BRD2: variants seen among roughly 807,000 people sequenced by gnomAD.
BRD2 encodes bromodomain-containing protein 2.
BRD2 carries 15 observed loss-of-function variants against 79.1 expected under a neutral mutation model. That is an observed-to-expected ratio of 0.19 (90% confidence interval 0.13 to 0.29). The LOEUF is 0.29. Ranked by LOEUF, BRD2 falls within the 10% of genes least tolerant of loss-of-function variation. The pLI, the probability that BRD2 is intolerant of heterozygous loss-of-function variation, is 1.00. For synonymous variants in BRD2, 488 were observed against 358.6 expected (o/e 1.36, Z -4.08); for missense variants, 1,053 against 991.3 (o/e 1.06, Z -0.84).
intron 3 of BRD2, chr6:32,974,987 T>G: frequency 6.7e-7 from 1 of 1,502,752 alleles, no homozygotes; most frequent in African/African-American, 1.4e-5. Flanking sequence ...CATGTGTCCT[T>G]CCTTAACTTT....
At chr6:32,970,422 G>A (rs17840186) in intron 1 of BRD2, 9,790 of 152,548 alleles carry the variant, frequency 0.064, 339 homozygotes, top group Middle Eastern at 0.11. Context: ...CATTTTAGAC[G>A]CAGTAACCGA....
intron 3 of BRD2, 95 bp from the exon 4 acceptor site, chr6:32,975,283 GGGGTGT>G (rs202238265): frequency 0.017 from 15,695 of 937,180 alleles, 113 homozygotes; most frequent in Non-Finnish European, 0.02. Context: ...ATGCATAGGG[GGGGTGT>G]GTGTGTGTGT....
rs550163267 is a variant in BRD2 at position 32,971,690 on chromosome 6, G to T, written c.-1209G>T. ...GGGTTCAGGCAGGCTACGCCCACGC[G>T]ACCCCTCCCGTTTCCCTGCTTTGGC... On this transcript the variant is annotated 5_prime_UTR_variant, in exon 2 of 13. Transcript: ENST00000374825. The T allele has an allele frequency of 7.8e-6, 4 of 515,076 alleles. No individual in the cohort carries two copies. The highest frequency in any genetic ancestry group is 1.4e-5 in the Non-Finnish European group (4 of 292,588). 31.9% of individuals were successfully genotyped at this position (515,076 alleles called of 1,614,324 possible). A position where few individuals can be genotyped will look rare whatever the true frequency, so the allele number is the denominator to read the frequency against.
Position 32,974,647 on chromosome 6 carries a change from C to G in BRD2, c.215C>G (p.Pro72Arg). 1.2e-6 allele frequency: 2 copies of G among 1,614,224 alleles called. No individual in the cohort carries two copies. Among genetic ancestry groups the G allele is most frequent in the Non-Finnish European group, 8.5e-7 (1 of 1,180,046 alleles). Residue 72 changes from proline (P) to arginine (R), a missense_variant, in exon 3 of 13, where the codon CCA becomes CGA. This residue lies in a region of BRD2 where 413 missense variants were observed against 335.1 expected (regional missense o/e 1.23). Coordinates refer to ENST00000374825, the MANE Select transcript of BRD2 (RefSeq NM_005104.4). ...PPPEVSNPKK[P>R]GRVTNQLQYL... Reference sequence around the variant, plus strand: ...CCGGAGGTGTCCAATCCCAAAAAGCCAGGACGAGTTACCAACCAGCTGCAA... The same window carrying G: ...CCGGAGGTGTCCAATCCCAAAAAGCGAGGACGAGTTACCAACCAGCTGCAA...
At position 32,980,697 on chromosome 6, in the gene BRD2, C is replaced by G. The variant is rs1362156274; in HGVS notation, c.2385C>G (p.Thr795=). The part of the protein sequence containing the change: ...SSSSSSSSSD[T]SDSDSG The stretch of plus-strand genomic sequence containing the variant: ...CTTCCTCGTCGTCGTCTTCAGACAC[C>G]AGTGATTCAGACTCAGGCTAAGGGG... Residue 795 remains threonine (T), a synonymous_variant, in exon 13 of 13, where the codon ACC becomes ACG. Transcript: ENST00000374825. 1 of 1,612,864 alleles carries G rather than the reference C, an allele frequency of 6.2e-7. No homozygotes were observed. Among genetic ancestry groups the G allele is most frequent in the African/African-American group, 1.3e-5 (1 of 74,944 alleles).
At chr6:32,975,943 G>A in intron 4 of BRD2, 88 bp from the exon 5 acceptor site, 1 of 1,443,194 alleles carries the variant, frequency 6.9e-7, no homozygotes, top group Non-Finnish European at 9.4e-7. Context: ...TAATGGCCTA[G>A]GGCCTGAATG....
rs1032673089 is a variant in BRD2 at position 32,976,129 on chromosome 6, C to T, written c.570C>T (p.Thr190=). The T allele has an allele frequency of 1.9e-6, 3 of 1,612,748 alleles. No individual in the cohort carries two copies. The highest frequency in any genetic ancestry group is 2.7e-5 in the African/African-American group (2 of 74,894). ...AAGAAGAACAAGAGCTGGTAGTGAC[C>T]ATCCCTAAGAACAGCCACAAGAAGG... is the stretch of plus-strand genomic sequence containing the variant. ...MPQEEQELVV[T]IPKNSHKKGA... The change falls in exon 5 of 13, where the codon ACC becomes ACT. Residue 190 remains threonine (T), a synonymous_variant. Coordinates refer to ENST00000374825, the MANE Select transcript of BRD2 (RefSeq NM_005104.4).
chr6:32,973,365 A>G (rs1778293107), intron 2 of BRD2, among the ~76,000 whole-genome samples: 1 of 152,020 alleles, frequency 6.6e-6, no homozygotes, highest in Non-Finnish European at 1.5e-5. Flanking sequence ...TTCCCAGAGA[A>G]GGGTAAAGGG....
rs1471209663 is a variant in BRD2, at chr6:32,972,555, A to T, written c.-344A>T. 2.4e-6 allele frequency: 1 copy of T among 413,548 alleles called. No homozygotes were observed. Among genetic ancestry groups the T allele is most frequent in the Non-Finnish European group, 4.4e-6 (1 of 228,614 alleles). The allele number at this position is 413,548 out of a possible 1,614,324, so 25.6% of individuals were successfully genotyped here. On this transcript the variant is annotated 5_prime_UTR_variant, in exon 2 of 13. Transcript: ENST00000374825. ...GGCCCCGTAGGGGCCCGACAAGAAG[A>T]GGGAATCCCTGCAGACCAACAGCGG...
At chr6:32,975,320 G>A in intron 3 of BRD2, 64 bp from the exon 4 acceptor site, 2 of 1,335,396 alleles carry the variant, frequency 1.5e-6, no homozygotes, top group Non-Finnish European at 1.0e-6. Context: ...GAGAGTCGGG[G>A]ATCGGTAGTC....
At position 32,980,415 on chromosome 6, in the gene BRD2, A is replaced by G; in HGVS notation, c.2220A>G (p.Leu740=). 3.1e-6 allele frequency: 5 copies of G among 1,613,150 alleles called. No individual in the cohort carries two copies. Among genetic ancestry groups the G allele is most frequent in the Non-Finnish European group, 4.2e-6 (5 of 1,180,044 alleles). The change falls in exon 12 of 13, where the codon TTA becomes TTG. Residue 740 remains leucine (L), a synonymous_variant. Transcript: ENST00000374825. The stretch of plus-strand genomic sequence containing the variant: ...AAAAGCGGGAATTAGAAAAGCGGTT[A>G]CAAGATGTCAGCGGACAGCTCAATT... ...LEKKRELEKR[L]QDVSGQLNST...
rs766257762 is a variant in BRD2 at position 32,972,889 on chromosome 6, T to TG, written c.-9dup. On this transcript the variant is annotated 5_prime_UTR_variant, in exon 2 of 13. Transcript: ENST00000374825. ...GCGGCTGAGGGCAGCGCCGGTTCCT[T>TG]GCGGTCAAGATGCTGCAAAACGTGA... The TG allele has an allele frequency of 5.0e-6, 8 of 1,613,996 alleles. No homozygotes were observed. The highest frequency in any genetic ancestry group is 6.8e-6 in the Non-Finnish European group (8 of 1,179,954).
chr6:32,978,237 CGAGGCCGAGCT>C lies in BRD2; in HGVS notation c.1692_1702del (p.Ala567Ter). On this transcript the variant is annotated frameshift_variant, in exon 10 of 13. Transcript: ENST00000374825. LOFTEE classifies it high-confidence loss of function. ...GAAGAAACGGAAGGCAGAGAAGCAT[CGAGGCCGAGCT>C]GGGGCCGATGAAGATGACAAGGGGC... 6.2e-7 allele frequency: 1 copy of C among 1,613,032 alleles called. No individual in the cohort carries two copies. Among genetic ancestry groups the C allele is most frequent in the Non-Finnish European group, 8.5e-7 (1 of 1,180,024 alleles).
At position 32,976,752 on chromosome 6, in the gene BRD2, A is replaced by G. The variant is rs1778819705; in HGVS notation, c.1016A>G (p.Gln339Arg). 1.9e-6 allele frequency: 3 copies of G among 1,613,168 alleles called. No homozygotes were observed. The highest frequency in any genetic ancestry group is 2.5e-6 in the Non-Finnish European group (3 of 1,180,032). The stretch of plus-strand genomic sequence containing the variant: ...TTGCCTGACTCTCAGCAACAACACC[A>G]GAGCTCTAAGAAAGGAAAGCTTTCA... ...KDLPDSQQQH[Q>R]SSKKGKLSEQ... The change falls in exon 7 of 13, where the codon CAG becomes CGG. Residue 339 changes from glutamine (Q) to arginine (R), a missense_variant. Transcript: ENST00000374825.
intron 3 of BRD2, 102 bp from the exon 4 acceptor site, chr6:32,975,282 G>GT (rs1353746288): frequency 0.033 from 34,031 of 1,022,240 alleles, 523 homozygotes; most frequent in East Asian, 0.17. Flanking sequence ...GATGCATAGG[G>GT]GGGGTGTGTG....
At chr6:32,973,097 C>A in intron 2 of BRD2, 170 bp downstream of exon 2, 1 of 1,565,038 alleles carries the variant, frequency 6.4e-7, no homozygotes, top group East Asian at 2.4e-5. Flanking sequence ...ACGGTGGTGG[C>A]GGCTCGGCTA....
At chr6:32,977,400 T>G (rs761621895) in intron 7 of BRD2, 42 bp from the exon 8 acceptor site, 1 of 1,613,016 alleles carries the variant, frequency 6.2e-7, no homozygotes, top group South Asian at 1.1e-5. Flanking sequence ...GAAAGGTGAG[T>G]CTTCCTGCCT....
intron 1 of BRD2, 120 bp from the exon 2 acceptor site, chr6:32,971,473 CTG>C (rs1187471537): frequency 4.9e-6 from 2 of 404,230 alleles, no homozygotes; most frequent in African/African-American, 4.1e-5. Context: ...TCTGGCAACA[CTG>C]TTTTAGACTG....
In BRD2 at chr6:32,980,687, C is replaced by T. The variant is rs2127528949; in HGVS notation, c.2375C>T (p.Ser792Phe). 2 of 1,613,108 alleles carry T rather than the reference C, an allele frequency of 1.2e-6. No homozygotes were observed. Among genetic ancestry groups the T allele is most frequent in the Non-Finnish European group, 1.7e-6 (2 of 1,180,046 alleles). Residue 792 changes from serine to phenylalanine, a missense_variant, in exon 13 of 13, where the codon TCT (serine) becomes TTT (phenylalanine). Transcript: ENST00000374825. ...AGCTCCTCCTCTTCCTCGTCGTCGT[C>T]TTCAGACACCAGTGATTCAGACTCA... ...DSSSSSSSSSSSDTSDSDSG is the reference protein window; with the variant it reads ...DSSSSSSSSSFSDTSDSDSG
Sources: allele counts gnomAD v4.1 joint callset (sites outside exome capture counted in the v4.1 genomes callset), GRCh38; gene constraint gnomAD v4.1.1; regional missense constraint gnomAD v4.1.1; transcripts MANE v1.5; gene names NCBI Gene and HGNC (gene_info 2026-07-23, HGNC 2026-07-21).